The following MITF variants were observed in gnomAD, a reference collection of about 807,000 sequenced individuals.
MITF encodes microphthalmia-associated transcription factor.
MITF carries 17 observed loss-of-function variants against 60.5 expected under a neutral mutation model. The observed-to-expected ratio is 0.28, with a 90% confidence interval of 0.19 to 0.42. The LOEUF is 0.42. Among genes scored for constraint, MITF ranks in the 10% least tolerant of loss-of-function variants. The pLI, the probability that MITF is intolerant of heterozygous loss-of-function variation, is 1.00. For missense variants in MITF, 622 were observed against 683.5 expected (o/e 0.91, Z 1.00); for synonymous variants, 260 against 248.5 (o/e 1.05, Z -0.43).
At chr3:69,936,052 G>C (rs1001992590) in intron 2 of MITF, among the ~76,000 whole-genome samples, 1 of 151,962 alleles carries the variant, frequency 6.6e-6, no homozygotes, top group Non-Finnish European at 1.5e-5. Flanking sequence ...GATAGTGCCC[G>C]GTCTTCCTGA....
intron 2 of MITF, among the ~76,000 whole-genome samples, chr3:69,916,235 A>G (rs1409586548): frequency 6.6e-6 from 1 of 152,196 alleles, no homozygotes; most frequent in African/African-American, 2.4e-5. Flanking sequence ...ATCATTTTAA[A>G]TAATCACATA....
intron 1 of MITF, among the ~76,000 whole-genome samples, chr3:69,748,143 G>A (rs1476860307): frequency 1.3e-5 from 2 of 152,180 alleles, no homozygotes; most frequent in Non-Finnish European, 2.9e-5. Flanking sequence ...ACAGGAAGTG[G>A]CATGCATTTA....
chr3:69,856,882 C>T (rs1397735080), intron 1 of MITF, among the ~76,000 whole-genome samples: 2 of 151,838 alleles, frequency 1.3e-5, no homozygotes, highest in Non-Finnish European at 2.9e-5. Context: ...TAATTGAATT[C>T]ATGCTTGGTA....
chr3:69,843,886 C>G (rs2063683248), intron 1 of MITF, among the ~76,000 whole-genome samples: 1 of 152,120 alleles, frequency 6.6e-6, no homozygotes, highest in South Asian at 2.1e-4. Context: ...AATGCTTTCC[C>G]TCTCCTAGTC....
chr3:69,953,726 G>A (rs541396325), intron 7 of MITF, among the ~76,000 whole-genome samples: 1 of 151,386 alleles, frequency 6.6e-6, no homozygotes, highest in Non-Finnish European at 1.5e-5. Flanking sequence ...GAAAGAGAGA[G>A]AGAGCGCCCC....
chr3:69,885,933 C>A (rs540867838), intron 2 of MITF, among the ~76,000 whole-genome samples: 38 of 152,096 alleles, frequency 2.5e-4, no homozygotes, highest in Non-Finnish European at 4.6e-4. Flanking sequence ...TGTATTGACT[C>A]ATTTAATGCC....
At chr3:69,879,068 C>G (rs950687018) in intron 1 of MITF, 66 bp from the exon 2 acceptor site, 1 of 1,364,680 alleles carries the variant, frequency 7.3e-7, no homozygotes, top group South Asian at 1.2e-5. Flanking sequence ...TTAGGATACC[C>G]CCAAAGTGCA....
intron 1 of MITF, among the ~76,000 whole-genome samples, chr3:69,752,719 T>C (rs1703979087): frequency 6.6e-6 from 1 of 152,152 alleles, no homozygotes; most frequent in Non-Finnish European, 1.5e-5. Context: ...ATTTGCAGCC[T>C]GGCCATGTAG....
At chr3:69,763,750 G>T in intron 1 of MITF, 1 of 1,358,680 alleles carries the variant, frequency 7.4e-7, no homozygotes, top group Non-Finnish European at 9.7e-7. Context: ...TGGTGTGATT[G>T]TCCTCTCCTT....
chr3:69,755,404 C>G (rs113427762), intron 1 of MITF, among the ~76,000 whole-genome samples: 3 of 119,320 alleles, frequency 2.5e-5, no homozygotes, highest in African/African-American at 9.6e-5. Context: ...TCTTGAGCCT[C>G]AAAATCTTTG....
At chr3:69,785,240 T>A (rs542682282) in intron 1 of MITF, among the ~76,000 whole-genome samples, 2 of 151,456 alleles carry the variant, frequency 1.3e-5, no homozygotes, top group Non-Finnish European at 2.9e-5. Context: ...AGTCACGGCG[T>A]GCTGCGGCAG....
chr3:69,776,594 T>C (rs921119924), intron 1 of MITF, among the ~76,000 whole-genome samples: 1 of 152,230 alleles, frequency 6.6e-6, no homozygotes, highest in Non-Finnish European at 1.5e-5. Flanking sequence ...TATACGTTTG[T>C]TGCGATGAAG....
At chr3:69,819,573 G>A (rs1447041035) in intron 1 of MITF, among the ~76,000 whole-genome samples, 4 of 152,084 alleles carry the variant, frequency 2.6e-5, no homozygotes, top group Non-Finnish European at 5.9e-5. Flanking sequence ...GGTAATAGCC[G>A]TGCCATTGCA....
At chr3:69,866,493 C>A in intron 1 of MITF, 1 of 727,398 alleles carries the variant, frequency 1.4e-6, no homozygotes, top group Non-Finnish European at 1.9e-6. Context: ...CTTTAATCAG[C>A]TTCAGCTGTA....
intron 1 of MITF, among the ~76,000 whole-genome samples, chr3:69,783,873 C>A (rs2062606861): frequency 6.6e-6 from 1 of 152,120 alleles, no homozygotes; most frequent in South Asian, 2.1e-4. Context: ...TGTCGCTCAG[C>A]TTCTTTGTGA....
At chr3:69,773,364 T>A (rs1343095316) in intron 1 of MITF, among the ~76,000 whole-genome samples, 1 of 152,170 alleles carries the variant, frequency 6.6e-6, no homozygotes, top group Non-Finnish European at 1.5e-5. Flanking sequence ...TGGGAGCCGT[T>A]GCAGATTTCT....
chr3:69,877,105 T>C (rs1033333992), intron 1 of MITF, among the ~76,000 whole-genome samples: 3 of 152,354 alleles, frequency 2.0e-5, no homozygotes, highest in African/African-American at 7.2e-5. Context: ...TTAAATTCCC[T>C]CTTGTTACAT....
intron 2 of MITF, among the ~76,000 whole-genome samples, chr3:69,905,021 T>G (rs1412129661): frequency 1.3e-5 from 2 of 152,168 alleles, no homozygotes; most frequent in African/African-American, 2.4e-5. Context: ...TCCAAGTGTA[T>G]AATTTGATAA....
intron 1 of MITF, among the ~76,000 whole-genome samples, chr3:69,756,476 A>C (rs1366061277): frequency 6.7e-6 from 1 of 149,674 alleles, no homozygotes; most frequent in Non-Finnish European, 1.5e-5. Flanking sequence ...TTTTTTTTTT[A>C]TGGCTGCATT....
Sources: gnomAD v4.1 joint callset for allele counts (sites outside exome capture counted in the v4.1 genomes callset) on GRCh38, gnomAD v4.1.1 for gene constraint, MANE v1.5 for transcripts, NCBI Gene and HGNC (gene_info 2026-07-23, HGNC 2026-07-21) for gene names.